ZSCAN25: variants seen among roughly 807,000 people sequenced by gnomAD.
ZSCAN25 encodes the protein zinc finger and SCAN domain-containing protein 25.
Under a neutral mutation model 38.7 loss-of-function variants are expected in ZSCAN25, and 27 were observed. That is an observed-to-expected ratio of 0.70 (90% CI 0.51 to 0.96). ZSCAN25 has a LOEUF of 0.96. Ranked by LOEUF, ZSCAN25 falls within the 40% of genes least tolerant of loss-of-function variation. The pLI is 0.00. For synonymous variants in ZSCAN25, 273 were observed against 277.7 expected, an observed-to-expected ratio of 0.98 and a Z score of 0.17; for missense variants, 637 against 705.9, an observed-to-expected ratio of 0.90 and a Z score of 1.11.
chr7:99,727,258 C>A, the ZSCAN25 span, among the ~76,000 whole-genome samples: 1 of 152,200 alleles, frequency 6.6e-6, no homozygotes, highest in African/African-American at 2.4e-5. Flanking sequence ...CTTGACCTTA[C>A]TGTTTTAGGC....
the ZSCAN25 span, among the ~76,000 whole-genome samples, chr7:99,692,683 G>A: frequency 6.6e-6 from 1 of 152,022 alleles, no homozygotes; most frequent in African/African-American, 2.4e-5. Context: ...ACAGTTGATC[G>A]AATCGGCTAT....
At chr7:99,626,364 G>A (rs1192924309) in intron 7 of ZSCAN25, among the ~76,000 whole-genome samples, 1 of 152,166 alleles carries the variant, frequency 6.6e-6, no homozygotes, top group Non-Finnish European at 1.5e-5. Context: ...TTTTTTCTGC[G>A]CAGAGTAATG....
At chr7:99,707,869 T>A in the ZSCAN25 span, 1 of 1,614,028 alleles carries the variant, frequency 6.2e-7, no homozygotes, top group Non-Finnish European at 8.5e-7. Context: ...CTAGAGCAAG[T>A]TTCATGTTCA....
At chr7:99,725,137 C>A in the ZSCAN25 span, among the ~76,000 whole-genome samples, 2 of 152,244 alleles carry the variant, frequency 1.3e-5, no homozygotes, top group African/African-American at 4.8e-5. Flanking sequence ...TTAATTATGA[C>A]AAGCTAAAGG....
At chr7:99,690,545 C>T in the ZSCAN25 span, among the ~76,000 whole-genome samples, 2 of 152,126 alleles carry the variant, frequency 1.3e-5, no homozygotes, top group Non-Finnish European at 2.9e-5. Flanking sequence ...GCAACCTACT[C>T]ATCTGACAAA....
chr7:99,652,539 C>T, the ZSCAN25 span: 2 of 1,578,566 alleles, frequency 1.3e-6, no homozygotes, highest in Non-Finnish European at 1.7e-6. Context: ...CTCCATTTCC[C>T]TGGAGACTTG....
the ZSCAN25 span, among the ~76,000 whole-genome samples, chr7:99,725,274 T>A: frequency 6.6e-6 from 1 of 152,172 alleles, no homozygotes; most frequent in Non-Finnish European, 1.5e-5. Context: ...ATGCATTTTA[T>A]GACCCAATCC....
chr7:99,652,854 G>T, the ZSCAN25 span: 1 of 1,054,812 alleles, frequency 9.5e-7, no homozygotes, highest in Non-Finnish European at 1.4e-6. Context: ...CAGTACTATT[G>T]AAGTATTAGA....
At chr7:99,697,129 C>T in the ZSCAN25 span, among the ~76,000 whole-genome samples, 1 of 152,180 alleles carries the variant, frequency 6.6e-6, no homozygotes, top group Non-Finnish European at 1.5e-5. Context: ...CTAATACACC[C>T]AGATATGCTC....
chr7:99,696,816 T>C, the ZSCAN25 span, among the ~76,000 whole-genome samples: 1 of 152,184 alleles, frequency 6.6e-6, no homozygotes, highest in Non-Finnish European at 1.5e-5. Flanking sequence ...TTAGGGGCAG[T>C]TTCTCCTGGT....
the ZSCAN25 span, chr7:99,676,625 A>AT: frequency 8.6e-7 from 1 of 1,164,430 alleles, no homozygotes; most frequent in African/African-American, 1.6e-5. Context: ...TGATGATGAG[A>AT]TTTTGCATCA....
the ZSCAN25 span, among the ~76,000 whole-genome samples, chr7:99,644,418 T>C: frequency 2.6e-5 from 4 of 152,140 alleles, no homozygotes; most frequent in East Asian, 7.7e-4. Flanking sequence ...TGATATTTGA[T>C]CTGAGCCTTG....
chr7:99,636,190 A>T (rs1030522714), downstream of ZSCAN25, among the ~76,000 whole-genome samples: 1 of 152,158 alleles, frequency 6.6e-6, no homozygotes, highest in Non-Finnish European at 1.5e-5. Context: ...ATACCTTAAA[A>T]TGCAATCATT....
chr7:99,668,872 G>T, the ZSCAN25 span, among the ~76,000 whole-genome samples: 2 of 152,182 alleles, frequency 1.3e-5, no homozygotes, highest in South Asian at 4.1e-4. Context: ...GACACTGTCA[G>T]GTATTAGGTG....
At chr7:99,683,414 T>C in the ZSCAN25 span, among the ~76,000 whole-genome samples, 1 of 152,216 alleles carries the variant, frequency 6.6e-6, no homozygotes, top group Non-Finnish European at 1.5e-5. Flanking sequence ...TTTTATCACC[T>C]ATCTAACCAT....
the ZSCAN25 span, among the ~76,000 whole-genome samples, chr7:99,661,699 C>T: frequency 3.4e-4 from 52 of 152,194 alleles, no homozygotes; most frequent in African/African-American, 1.2e-3. Flanking sequence ...GAAAGGTCTA[C>T]AGAGTTCTGA....
the ZSCAN25 span, among the ~76,000 whole-genome samples, chr7:99,716,926 T>C: frequency 1.3e-5 from 2 of 152,206 alleles, no homozygotes; most frequent in Non-Finnish European, 2.9e-5. Context: ...TCCTCCAGAA[T>C]ATCCAAGGTG....
chr7:99,714,424 G>T, the ZSCAN25 span: 1 of 1,406,508 alleles, frequency 7.1e-7, no homozygotes, highest in Non-Finnish European at 9.5e-7. Flanking sequence ...GAATTATCTT[G>T]CTCTAAACAT....
chr7:99,735,325 T>G, the ZSCAN25 span: 15,696 of 558,348 alleles, frequency 0.028, 303 homozygotes, highest in Non-Finnish European at 0.035. Context: ...AGTTGGCAAA[T>G]AATCACACAC....
Sources: allele counts gnomAD v4.1 joint callset (sites outside exome capture counted in the v4.1 genomes callset), GRCh38; gene constraint gnomAD v4.1.1; transcripts MANE v1.5; gene names NCBI Gene and HGNC (gene_info 2026-07-23, HGNC 2026-07-21).